Variants in CHEK1 observed in about 807,000 individuals in gnomAD.
The protein encoded by CHEK1 is checkpoint kinase 1, also known as serine/threonine-protein kinase Chk1.
A neutral mutation model predicts 60.2 loss-of-function variants in CHEK1; 32 were observed. That is an observed-to-expected ratio of 0.53 (90% CI 0.40 to 0.71). The LOEUF is 0.71. Among genes scored for constraint, CHEK1 ranks in the 30% least tolerant of loss-of-function variants. The pLI is 0.00. For synonymous variants in CHEK1, 179 were observed against 187.2 expected, an observed-to-expected ratio of 0.96 and a Z score of 0.36; for missense variants, 399 against 564.6, an observed-to-expected ratio of 0.71 and a Z score of 2.97.
chr11:125,664,639 A>G (rs916167599), intron 13 of CHEK1, among the ~76,000 whole-genome samples: 3 of 151,992 alleles, frequency 2.0e-5, no homozygotes, highest in African/African-American at 2.4e-5. Flanking sequence ...TTTATTTGCT[A>G]TTGAGCTGTC....
intron 11 of CHEK1, among the ~76,000 whole-genome samples, chr11:125,650,811 T>A (rs1941696674): frequency 6.8e-6 from 1 of 147,762 alleles, no homozygotes; most frequent in Admixed American, 6.7e-5. Flanking sequence ...TTAGTTTTAG[T>A]GGTCAGCTAA....
intron 11 of CHEK1, among the ~76,000 whole-genome samples, chr11:125,645,247 T>G (rs981420060): frequency 6.6e-6 from 1 of 152,170 alleles, no homozygotes; most frequent in Admixed American, 6.6e-5. Flanking sequence ...TATGTATACT[T>G]AAACTGTAGA....
intron 7 of CHEK1, 178 bp downstream of exon 7, chr11:125,635,711 A>G: frequency 7.6e-6 from 3 of 394,872 alleles, no homozygotes; most frequent in Non-Finnish European, 1.4e-5. Context: ...TAGTCCCAGA[A>G]CTCTGCAATA....
chr11:125,676,405 G>A, downstream of CHEK1: 1 of 1,614,118 alleles, frequency 6.2e-7, no homozygotes, highest in East Asian at 2.2e-5. Flanking sequence ...TCTGAGTGAT[G>A]CAGGTTCCCT....
At chr11:125,638,166 A>G (rs1941143482) in intron 8 of CHEK1, among the ~76,000 whole-genome samples, 1 of 152,106 alleles carries the variant, frequency 6.6e-6, no homozygotes, top group African/African-American at 2.4e-5. Flanking sequence ...CACTGGGGAG[A>G]CCTCTGAGAG....
chr11:125,641,330 G>GT (rs999118575), intron 8 of CHEK1, among the ~76,000 whole-genome samples: 2 of 151,516 alleles, frequency 1.3e-5, no homozygotes, highest in African/African-American at 4.9e-5. Flanking sequence ...TCTCTTGATG[G>GT]TTTTTTTTCA....
At position 125,630,339 on chromosome 11, in the gene CHEK1, CT is replaced by C. The variant is rs1940815326; in HGVS notation, c.424+881del. Among the ~76,000 whole-genome samples the C allele has an allele frequency of 2.7e-5, 4 of 148,864 alleles. 1 individual carries two copies. The South Asian group carries it at 8.5e-4, about 32-fold the overall frequency. On this transcript the variant is annotated intron_variant, in intron 5 of 12. Coordinates refer to ENST00000438015, the MANE Select transcript of CHEK1 (RefSeq NM_001114122.3). Reference sequence around the variant, plus strand: ...CTTTTTTTTTTTTTTGAAACAGAGTCTTGCTGTGTTGCCCAGGCTGGAGTGT... The same window carrying C: ...CTTTTTTTTTTTTTTGAAACAGAGTCTGCTGTGTTGCCCAGGCTGGAGTGT...
chr11:125,668,497 G>A (rs757808288), intron 13 of CHEK1, among the ~76,000 whole-genome samples: 1 of 151,944 alleles, frequency 6.6e-6, no homozygotes, highest in African/African-American at 2.4e-5. Context: ...ATTGTTGGGG[G>A]TTTTTTAAAA....
rs764381233 is a variant in CHEK1 at position 125,655,356 on chromosome 11, A to T, written c.*36A>T. On this transcript the variant is annotated 3_prime_UTR_variant, in exon 13 of 13. Coordinates refer to ENST00000438015, the MANE Select transcript of CHEK1 (RefSeq NM_001114122.3). Reference sequence around the variant, plus strand: ...GGCTCTGGGGAATCCTGGTGAATATAGTGCTGCTATGTTGACATTATTCTT... The same window carrying T: ...GGCTCTGGGGAATCCTGGTGAATATTGTGCTGCTATGTTGACATTATTCTT... The T allele has an allele frequency of 7.1e-7, 1 of 1,407,496 alleles. No homozygotes were observed. Among genetic ancestry groups the T allele is most frequent in the East Asian group, 2.3e-5 (1 of 43,804 alleles). 87.2% of individuals were successfully genotyped at this position (1,407,496 alleles called of 1,614,324 possible).
chr11:125,672,551 G>C (rs941077219), intron 13 of CHEK1: 13 of 1,609,064 alleles, frequency 8.1e-6, no homozygotes, highest in Non-Finnish European at 1.1e-5. Flanking sequence ...AGTGATGGAG[G>C]CTTTTTACTG....
chr11:125,673,071 T>C (rs113155796), intron 13 of CHEK1, among the ~76,000 whole-genome samples: 1 of 151,956 alleles, frequency 6.6e-6, no homozygotes, highest in African/African-American at 2.4e-5. Flanking sequence ...CCCTCACAGT[T>C]TGAATCATGA....
intron 13 of CHEK1, among the ~76,000 whole-genome samples, chr11:125,674,894 C>A (rs1194270722): frequency 6.6e-6 from 1 of 152,214 alleles, no homozygotes; most frequent in Admixed American, 6.5e-5. Context: ...AGTTTATCTT[C>A]TATGTCTCTG....
At chr11:125,659,519 ATTT>A (rs1214355279), downstream of CHEK1, among the ~76,000 whole-genome samples, 2 of 151,948 alleles carry the variant, frequency 1.3e-5, no homozygotes, top group African/African-American at 2.4e-5. Flanking sequence ...TATGTGTACT[ATTT>A]TTGTTATCCA....
At chr11:125,634,715 G>C (rs753763953) in intron 6 of CHEK1, among the ~76,000 whole-genome samples, 36 of 152,038 alleles carry the variant, frequency 2.4e-4, no homozygotes, top group Admixed American at 5.2e-4. Flanking sequence ...CCATCACCAG[G>C]ACCTAATTAC....
chr11:125,629,081 C>A, intron 3 of CHEK1, 151 bp from the exon 4 acceptor site: 1 of 666,922 alleles, frequency 1.5e-6, no homozygotes, highest in South Asian at 1.9e-5. Flanking sequence ...AGTTAAGCCC[C>A]ATATGTGTTA....
At chr11:125,643,731 T>A in intron 8 of CHEK1, 61 bp from the exon 9 acceptor site, 1 of 1,324,248 alleles carries the variant, frequency 7.6e-7, no homozygotes, top group Non-Finnish European at 1.0e-6. Context: ...CCAGTTGGGT[T>A]AATTTAAAAA....
At chr11:125,658,373 T>C (rs1403300037), downstream of CHEK1, among the ~76,000 whole-genome samples, 1 of 152,210 alleles carries the variant, frequency 6.6e-6, no homozygotes, top group Non-Finnish European at 1.5e-5. Flanking sequence ...GGTAGAGCAT[T>C]TTATGACATG....
intron 11 of CHEK1, among the ~76,000 whole-genome samples, chr11:125,649,172 A>G (rs1941615049): frequency 6.6e-6 from 1 of 151,986 alleles, no homozygotes; most frequent in Non-Finnish European, 1.5e-5. Context: ...CTCACCAGCT[A>G]TCTTGTGTAT....
At chr11:125,671,938 T>A (rs1942213576) in intron 13 of CHEK1, 1 of 152,158 alleles carries the variant, frequency 6.6e-6, no homozygotes, top group Non-Finnish European at 1.5e-5. Flanking sequence ...AGTAACATTG[T>A]GTGTGAAAAA....
Sources: gnomAD v4.1 joint callset for allele counts (sites outside exome capture counted in the v4.1 genomes callset) on GRCh38, gnomAD v4.1.1 for gene constraint, MANE v1.5 for transcripts, NCBI Gene and HGNC (gene_info 2026-07-23, HGNC 2026-07-21) for gene names.